Variants in PTPRD observed in about 807,000 individuals in gnomAD.
PTPRD encodes the protein protein tyrosine phosphatase receptor type D.
PTPRD carries 34 observed loss-of-function variants against 214.5 expected under a neutral mutation model. The observed-to-expected ratio is 0.16, with a 90% CI of 0.12 to 0.21. The LOEUF is 0.21. Ranked by LOEUF, PTPRD falls within the 10% of genes least tolerant of loss-of-function variation. The pLI is 1.00. For missense variants in PTPRD, 2,545 were observed against 2,398.7 expected (o/e 1.06, Z -1.27); for synonymous variants, 1,128 against 845.7 (o/e 1.33, Z -5.79).
intron 12 of PTPRD, among the ~76,000 whole-genome samples, chr9:8,723,335 C>G (rs887170089): frequency 7.2e-5 from 11 of 152,144 alleles, no homozygotes; most frequent in Admixed American, 2.0e-4. Flanking sequence ...ACAAACCAAA[C>G]CAAGACCTAT....
At chr9:10,441,789 C>T (rs879934654) in intron 2 of PTPRD, among the ~76,000 whole-genome samples, 13 of 151,570 alleles carry the variant, frequency 8.6e-5, no homozygotes, top group Non-Finnish European at 1.2e-4. Flanking sequence ...AATAAATCCA[C>T]GACAAATAAA....
In PTPRD at chr9:9,498,595, GA is replaced by G. The variant is rs572244621; in HGVS notation, c.-237+76136del. The stretch of plus-strand genomic sequence containing the variant: ...GGCAGATTTACTGGGGTTGAGAAAA[GA>G]AAAATTTTATACAGTGTAAGGAGAA... On this transcript the variant is annotated intron_variant, in intron 8 of 45. Transcript: ENST00000381196. 1.2e-3 allele frequency among the ~76,000 whole-genome samples: 182 copies of G among 152,080 alleles called. 1 individual carries two copies. Among genetic ancestry groups the G allele is most frequent in the African/African-American group, 4.2e-3 (173 of 41,514 alleles).
chr9:10,010,605 A>C (rs553984883), intron 4 of PTPRD, among the ~76,000 whole-genome samples: 1 of 151,850 alleles, frequency 6.6e-6, no homozygotes, highest in Non-Finnish European at 1.5e-5. Context: ...TGTATACTCA[A>C]CTCAGTTAAT....
At chr9:9,050,988 T>C (rs1316051940) in intron 10 of PTPRD, among the ~76,000 whole-genome samples, 9 of 152,136 alleles carry the variant, frequency 5.9e-5, no homozygotes, top group Admixed American at 5.9e-4. Context: ...AAACAAAAAT[T>C]AGATCAATTA....
At chr9:8,509,160 A>T (rs2097613398) in intron 21 of PTPRD, among the ~76,000 whole-genome samples, 2 of 152,112 alleles carry the variant, frequency 1.3e-5, no homozygotes, top group South Asian at 2.1e-4. Context: ...GTGGAAGCGA[A>T]AGAAGATAAA....
At position 8,953,469 on chromosome 9, in the gene PTPRD, G is replaced by T. The variant is rs556289412; in HGVS notation, c.-104+65228C>A. ...AGAATTTGTAGCTAAGCCCTCAAAA[G>T]CAATGGCAACAAAAACAAAAATTGA... is the stretch of plus-strand genomic sequence containing the variant. On this transcript the variant is annotated intron_variant, in intron 11 of 45. Coordinates refer to ENST00000381196, the MANE Select transcript of PTPRD (RefSeq NM_002839.4). 1.4e-4 allele frequency among the ~76,000 whole-genome samples: 22 copies of T among 151,982 alleles called. No individual in the cohort carries two copies. The South Asian group carries it at 4.1e-3, about 29-fold the overall frequency.
intron 10 of PTPRD, among the ~76,000 whole-genome samples, chr9:9,048,194 C>T (rs2099677035): frequency 6.6e-6 from 1 of 152,108 alleles, no homozygotes; most frequent in Admixed American, 6.6e-5. Context: ...CCCGTGTACA[C>T]TTTTGGTGGA....
At chr9:8,475,780 C>T (rs905769321) in intron 30 of PTPRD, among the ~76,000 whole-genome samples, 2 of 152,098 alleles carry the variant, frequency 1.3e-5, no homozygotes, top group Non-Finnish European at 2.9e-5. Flanking sequence ...CACTTCCAAA[C>T]CCTATCTCCA....
chr9:8,321,840 G>A (rs1460391511), intron 44 of PTPRD, among the ~76,000 whole-genome samples: 1 of 151,844 alleles, frequency 6.6e-6, no homozygotes, highest in Non-Finnish European at 1.5e-5. Context: ...ATACTTTATG[G>A]AGTTTTGCAG....
chr9:8,861,449 T>G (rs1363247551), intron 11 of PTPRD: 3 of 152,046 alleles, frequency 2.0e-5, no homozygotes, highest in Non-Finnish European at 4.4e-5. Flanking sequence ...TTATTTTTTT[T>G]GCAAAACTTC....
Position 8,420,554 on chromosome 9 carries a change from T to C in PTPRD, c.4087-15894A>G, listed in dbSNP as rs369425759. On this transcript the variant is annotated intron_variant, in intron 35 of 45. Transcript: ENST00000381196. The stretch of plus-strand genomic sequence containing the variant: ...GCATCACAATTGGTTGCTGTGGGAA[T>C]GATTATAGATCAAAAACAAAACGAT... Among the ~76,000 whole-genome samples the C allele has an allele frequency of 8.0e-4, 122 of 152,302 alleles. No individual in the cohort carries two copies. In the South Asian group the frequency reaches 0.024, roughly 30 times the overall value.
chr9:10,326,964 G>A (rs973994604), intron 3 of PTPRD, among the ~76,000 whole-genome samples: 1 of 151,304 alleles, frequency 6.6e-6, no homozygotes, highest in Non-Finnish European at 1.5e-5. Flanking sequence ...CACTTTGATA[G>A]GAAACATCTG....
chr9:8,718,944 T>C (rs2098464345), intron 12 of PTPRD, among the ~76,000 whole-genome samples: 1 of 152,048 alleles, frequency 6.6e-6, no homozygotes, highest in South Asian at 2.1e-4. Flanking sequence ...AGCACCAAAA[T>C]GGTACAGAGT....
intron 9 of PTPRD, among the ~76,000 whole-genome samples, chr9:9,315,191 T>G (rs1349735479): frequency 6.6e-6 from 1 of 152,028 alleles, no homozygotes; most frequent in Non-Finnish European, 1.5e-5. Context: ...AAGCTGAATT[T>G]CACCAAGCTT....
At chr9:9,883,301 A>G (rs1208956178) in intron 5 of PTPRD, among the ~76,000 whole-genome samples, 1 of 152,136 alleles carries the variant, frequency 6.6e-6, no homozygotes, top group Non-Finnish European at 1.5e-5. Context: ...CTCTTCATTG[A>G]TAGTCACTGT....
At position 9,422,753 on chromosome 9, in the gene PTPRD, C is replaced by T. The variant is rs28567525; in HGVS notation, c.-236-25271G>A. ...ACGAATTGAGGGATTGAGATCCTGA[C>T]GAGAGAAGAGAGGAACCCAGGAGTT... On this transcript the variant is annotated intron_variant, in intron 8 of 45. Coordinates refer to ENST00000381196, the MANE Select transcript of PTPRD (RefSeq NM_002839.4). Among the ~76,000 whole-genome samples the T allele has an allele frequency of 2.2e-3, 335 of 152,216 alleles. 1 individual carries two copies. The highest frequency in any genetic ancestry group is 6.9e-3 in the African/African-American group (288 of 41,556).
At chr9:9,421,481 C>G (rs1428750218) in intron 8 of PTPRD, among the ~76,000 whole-genome samples, 1 of 152,022 alleles carries the variant, frequency 6.6e-6, no homozygotes, top group Non-Finnish European at 1.5e-5. Context: ...CTTGAAATGT[C>G]TTTGTGTGCC....
intron 42 of PTPRD, among the ~76,000 whole-genome samples, chr9:8,339,613 T>C (rs7871355): frequency 0.044 from 6,665 of 152,218 alleles, 488 homozygotes; most frequent in African/African-American, 0.15. Flanking sequence ...CCTCGTCTGA[T>C]ATTCTTTTTG....
intron 7 of PTPRD, among the ~76,000 whole-genome samples, chr9:9,707,318 C>A (rs187131452): frequency 6.6e-6 from 1 of 152,104 alleles, no homozygotes; most frequent in Non-Finnish European, 1.5e-5. Flanking sequence ...CCTTAGAGAT[C>A]ACAGTTGTGA....
Sources: gnomAD v4.1 joint callset for allele counts (sites outside exome capture counted in the v4.1 genomes callset) on GRCh38, gnomAD v4.1.1 for gene constraint, MANE v1.5 for transcripts, NCBI Gene and HGNC (gene_info 2026-07-23, HGNC 2026-07-21) for gene names.